The following MED13 variants were observed in gnomAD, a reference collection of about 807,000 sequenced individuals.
MED13 encodes mediator complex subunit 13, also known as mediator of RNA polymerase II transcription subunit 13.
In MED13, 23 loss-of-function variants were observed where a neutral mutation model predicts 225.2. The observed-to-expected ratio is 0.10, with a 90% CI of 0.07 to 0.14. The LOEUF (loss-of-function observed/expected upper bound fraction) is 0.14, where lower values mean the gene tolerates loss of function less well. MED13 is among the 10% of genes least tolerant of loss of function. MED13 has a pLI of 1.00. For synonymous variants in MED13, 942 were observed against 889.2 expected (o/e 1.06, Z -1.06); for missense variants, 2,197 against 2,594.5 (o/e 0.85, Z 3.33).
chr17:61,995,049 T>G, intron 10 of MED13, 103 bp downstream of exon 10: 2 of 883,500 alleles, frequency 2.3e-6, no homozygotes, highest in Non-Finnish European at 3.5e-6. Flanking sequence ...ACTCTTTCTA[T>G]TCTAAGACAA....
rs139405346 is a variant in MED13, at chr17:61,975,522, G to A, written c.3806-2634C>T. ...TATATTGCTGGTAGTTATGTAAAATGGTGCAGCTGCTATGGAAAACAATCT... is the reference window on the plus strand; with the variant it reads ...TATATTGCTGGTAGTTATGTAAAATAGTGCAGCTGCTATGGAAAACAATCT... On this transcript the variant is annotated intron_variant, in intron 16 of 29. Transcript: ENST00000397786. Among the ~76,000 whole-genome samples the A allele has an allele frequency of 2.1e-3, 326 of 152,280 alleles. 3 individuals carry two copies. Among genetic ancestry groups the A allele is most frequent in the African/African-American group, 7.6e-3 (314 of 41,538 alleles).
In MED13 at chr17:62,033,869, A is replaced by C. The variant is rs763564546; in HGVS notation, c.732T>G (p.Cys244Trp). The C allele has an allele frequency of 2.5e-6, 4 of 1,614,134 alleles. No homozygotes were observed. Among genetic ancestry groups the C allele is most frequent in the Non-Finnish European group, 3.4e-6 (4 of 1,179,990 alleles). The change falls in exon 5 of 30, where the codon TGT becomes TGG. Residue 244 changes from cysteine to tryptophan, a missense_variant. Cys to Trp is a radical substitution (Grantham distance 215). This residue lies in a region of MED13 where 884 missense variants were observed against 918.5 expected (regional missense o/e 0.96). Transcript: ENST00000397786. ...TTTCTTCAGACATCTCCTTCAAGCA[A>C]CATGAGATAGGATAGAACTGTTTCC... is the stretch of plus-strand genomic sequence containing the variant. Reference protein sequence around the residue: ...GEWKQFYPISCCLKEMSEEKQ... With the variant: ...GEWKQFYPISWCLKEMSEEKQ...
chr17:61,948,862 G>A (rs1235700634), intron 28 of MED13, among the ~76,000 whole-genome samples: 4 of 151,160 alleles, frequency 2.6e-5, no homozygotes, highest in Admixed American at 2.0e-4. Flanking sequence ...CGAGGCGGGC[G>A]GATCACGAGG....
At chr17:62,012,201 G>A (rs1027531845) in intron 8 of MED13, among the ~76,000 whole-genome samples, 6 of 151,168 alleles carry the variant, frequency 4.0e-5, no homozygotes, top group Non-Finnish European at 7.4e-5. Context: ...GGGTGACAGA[G>A]CAAGACTCCA....
intron 3 of MED13, among the ~76,000 whole-genome samples, chr17:62,044,882 G>T (rs192049504): frequency 1.3e-5 from 2 of 152,134 alleles, no homozygotes; most frequent in Admixed American, 1.3e-4. Context: ...GGCTAGTCTC[G>T]AACTCCTGAC....
chr17:61,980,540 T>C (rs746871959), intron 16 of MED13, among the ~76,000 whole-genome samples: 3 of 152,224 alleles, frequency 2.0e-5, no homozygotes, highest in Non-Finnish European at 4.4e-5. Context: ...CAAGCTATTA[T>C]TGATGCCTCA....
intron 16 of MED13, among the ~76,000 whole-genome samples, chr17:61,979,395 C>T (rs1237129192): frequency 1.3e-5 from 2 of 152,072 alleles, no homozygotes; most frequent in South Asian, 4.1e-4. Context: ...CCGAATCCTC[C>T]ACCTCCTAGG....
chr17:62,027,743 T>A (rs1364035996), intron 8 of MED13, among the ~76,000 whole-genome samples: 1 of 152,022 alleles, frequency 6.6e-6, no homozygotes, highest in Non-Finnish European at 1.5e-5. Flanking sequence ...AAAATCCTGT[T>A]AAAAAGTGGG....
At chr17:62,015,902 T>TAC (rs1567979515) in intron 8 of MED13, among the ~76,000 whole-genome samples, 2 of 57,976 alleles carry the variant, frequency 3.4e-5, no homozygotes, top group Non-Finnish European at 3.3e-5. Context: ...CACACACACA[T>TAC]ACACACTATA....
chr17:62,017,628 C>G (rs1034873926), intron 8 of MED13, among the ~76,000 whole-genome samples: 1 of 152,182 alleles, frequency 6.6e-6, no homozygotes, highest in Admixed American at 6.6e-5. Flanking sequence ...AGCAAAACTT[C>G]TAGCAACTGA....
chr17:62,024,766 A>G (rs955931337), intron 8 of MED13, among the ~76,000 whole-genome samples: 34 of 152,304 alleles, frequency 2.2e-4, no homozygotes, highest in African/African-American at 7.5e-4. Context: ...GCTCCCACTT[A>G]TAAGTGAGAA....
At chr17:61,964,413 A>G (rs2080035499) in intron 20 of MED13, among the ~76,000 whole-genome samples, 1 of 152,066 alleles carries the variant, frequency 6.6e-6, no homozygotes, top group Non-Finnish European at 1.5e-5. Flanking sequence ...CTCTACAAAA[A>G]AGTAGCTGGG....
intron 3 of MED13, among the ~76,000 whole-genome samples, chr17:62,050,328 AGCCT>A (rs1412643123): frequency 6.6e-6 from 1 of 151,728 alleles, no homozygotes; most frequent in African/African-American, 2.4e-5. Context: ...ATTGCGCTCC[AGCCT>A]GGGCAACAAG....
Position 61,965,082 on chromosome 17 carries a change from A to G in MED13, c.4768T>C (p.Ser1590Pro), listed in dbSNP as rs772556926. ...QSGQLGGQQT[S>P]ALQTAGISGE... ...GAAATCCCAGCTGTCTGTAGAGCTG[A>G]TGTCTGTTGCCCTCCTAGCTGACCA... The change falls in exon 20 of 30, where the codon TCA (serine) becomes CCA (proline). Residue 1590 changes from serine to proline, a missense_variant. Coordinates refer to ENST00000397786, the MANE Select transcript of MED13 (RefSeq NM_005121.3). 24 of 1,614,076 alleles carry G rather than the reference A, an allele frequency of 1.5e-5. No individual in the cohort carries two copies. The African/African-American group carries it at 2.7e-4, about 18-fold the overall frequency.
intron 10 of MED13, among the ~76,000 whole-genome samples, chr17:61,993,792 G>A (rs987309858): frequency 2.0e-5 from 3 of 151,740 alleles, no homozygotes; most frequent in Admixed American, 6.6e-5. Flanking sequence ...TTAGCCGAGC[G>A]TAGTGGCGCA....
intron 9 of MED13, among the ~76,000 whole-genome samples, chr17:62,010,196 G>C (rs1032049656): frequency 8.6e-5 from 13 of 151,494 alleles, no homozygotes; most frequent in African/African-American, 2.7e-4. Context: ...ACTCTAGCCT[G>C]GGTGACAGAG....
At chr17:62,012,378 G>A (rs2080519477) in intron 8 of MED13, among the ~76,000 whole-genome samples, 2 of 141,296 alleles carry the variant, frequency 1.4e-5, no homozygotes, top group Admixed American at 7.3e-5. Flanking sequence ...TGCCCAGGCT[G>A]GAGTGCAATG....
chr17:62,006,269 G>GT (rs1228573228), intron 9 of MED13: 2 of 61,366 alleles, frequency 3.3e-5, no homozygotes, highest in Non-Finnish European at 5.8e-5. Context: ...GCAAGGAGCA[G>GT]TAAAAAAAAA....
rs145512936 is a variant in MED13, at chr17:61,997,393, A to G, written c.1968-2028T>C. Among the ~76,000 whole-genome samples the G allele has an allele frequency of 1.9e-3, 290 of 152,332 alleles. 1 individual carries two copies. The highest frequency in any genetic ancestry group is 6.4e-3 in the African/African-American group (267 of 41,592). ...GGGATATGTTTTATAATTAATCATC[A>G]GGATAGTTCTGTTCTATAAACAGCT... On this transcript the variant is annotated intron_variant, in intron 9 of 29. Coordinates refer to ENST00000397786, the MANE Select transcript of MED13 (RefSeq NM_005121.3).
Sources: gnomAD v4.1 joint callset for allele counts (sites outside exome capture counted in the v4.1 genomes callset) on GRCh38, gnomAD v4.1.1 for gene constraint, gnomAD v4.1.1 regional missense constraint, MANE v1.5 for transcripts, NCBI Gene and HGNC (gene_info 2026-07-23, HGNC 2026-07-21) for gene names.